CSMD1: variants seen among roughly 807,000 people sequenced by gnomAD.
The protein encoded by CSMD1 is CUB and sushi domain-containing protein 1.
CSMD1 carries 213 observed loss-of-function variants against 417.5 expected under a neutral mutation model. The ratio of observed to expected loss-of-function variants is 0.51; its 90% CI spans 0.46 to 0.57. The LOEUF (loss-of-function observed/expected upper bound fraction) is 0.57. Among genes scored for constraint, CSMD1 ranks in the 20% least tolerant of loss-of-function variants. The pLI is 0.00. For synonymous variants in CSMD1, 2,862 were observed against 1,736.8 expected (o/e 1.65, Z -16.11); for missense variants, 6,923 against 4,529.7 (o/e 1.53, Z -15.17).
At chr8:3,625,717 C>A (rs371673337) in intron 7 of CSMD1, among the ~76,000 whole-genome samples, 13 of 152,174 alleles carry the variant, frequency 8.5e-5, no homozygotes, top group East Asian at 5.8e-4. Context: ...TTCAGTCATT[C>A]AACATTATTC....
intron 2 of CSMD1, among the ~76,000 whole-genome samples, chr8:4,449,251 T>A (rs1167608376): frequency 6.6e-6 from 1 of 152,182 alleles, no homozygotes; most frequent in Non-Finnish European, 1.5e-5. Flanking sequence ...TTATTCACAC[T>A]CAGGTTGTAA....
At chr8:4,774,022 C>T (rs893915571) in intron 1 of CSMD1, among the ~76,000 whole-genome samples, 37 of 151,984 alleles carry the variant, frequency 2.4e-4, no homozygotes, top group African/African-American at 8.7e-4. Context: ...ATGGTGAAAC[C>T]CCAACTCTAC....
chr8:4,790,735 G>C (rs1056328481), intron 1 of CSMD1, among the ~76,000 whole-genome samples: 1 of 152,120 alleles, frequency 6.6e-6, no homozygotes, highest in Admixed American at 6.5e-5. Flanking sequence ...ACCAGGAAAG[G>C]ACTCCCCTAT....
chr8:4,059,877 G>T (rs1356227328), intron 3 of CSMD1, among the ~76,000 whole-genome samples: 1 of 150,570 alleles, frequency 6.6e-6, no homozygotes, highest in Non-Finnish European at 1.5e-5. Flanking sequence ...AGGAGGAACT[G>T]GTACCATTCC....
chr8:4,233,720 A>C (rs1585068401), intron 3 of CSMD1, among the ~76,000 whole-genome samples: 1 of 152,318 alleles, frequency 6.6e-6, no homozygotes, highest in East Asian at 1.9e-4. Flanking sequence ...CCAACAGACT[A>C]AGATATTAAT....
chr8:4,646,724 G>C (rs1168880181), intron 1 of CSMD1, among the ~76,000 whole-genome samples: 1 of 152,148 alleles, frequency 6.6e-6, no homozygotes, highest in East Asian at 1.9e-4. Context: ...CCTCCAAAGA[G>C]AAATTGAAAT....
At chr8:4,119,599 G>GA (rs1802364319) in intron 3 of CSMD1, among the ~76,000 whole-genome samples, 2 of 151,474 alleles carry the variant, frequency 1.3e-5, no homozygotes, top group Admixed American at 6.6e-5. Flanking sequence ...TCTATCTAGG[G>GA]AGGAGACCAG....
chr8:3,986,175 C>T (rs1255396772), intron 5 of CSMD1, among the ~76,000 whole-genome samples: 1 of 152,108 alleles, frequency 6.6e-6, no homozygotes, highest in Non-Finnish European at 1.5e-5. Flanking sequence ...CCAAAGAGCC[C>T]TTTTATTTTA....
chr8:4,675,247 A>G (rs976568358), intron 1 of CSMD1, among the ~76,000 whole-genome samples: 1 of 152,222 alleles, frequency 6.6e-6, no homozygotes, highest in Non-Finnish European at 1.5e-5. Flanking sequence ...CAGTATTTAA[A>G]ACACTTAAAA....
At chr8:4,952,362 T>G (rs1023140301) in intron 1 of CSMD1, among the ~76,000 whole-genome samples, 1 of 134,676 alleles carries the variant, frequency 7.4e-6, no homozygotes, top group African/African-American at 2.7e-5. Context: ...GAATAATGTA[T>G]GCGTTGATTC....
intron 6 of CSMD1, among the ~76,000 whole-genome samples, chr8:3,715,912 A>G (rs1265715582): frequency 6.6e-6 from 1 of 152,208 alleles, no homozygotes; most frequent in Non-Finnish European, 1.5e-5. Context: ...ATTCCTCTGC[A>G]GCTGCTGCAG....
At chr8:4,964,094 T>C (rs1809690575) in intron 1 of CSMD1, among the ~76,000 whole-genome samples, 1 of 152,218 alleles carries the variant, frequency 6.6e-6, no homozygotes. Flanking sequence ...TATTTTATTT[T>C]TTTTACTTTC....
At chr8:4,119,080 G>T (rs7841987) in intron 3 of CSMD1, among the ~76,000 whole-genome samples, 26 of 151,860 alleles carry the variant, frequency 1.7e-4, no homozygotes, top group African/African-American at 2.9e-4. Flanking sequence ...ATCACACACA[G>T]GGACCTGTCA....
chr8:4,439,798 G>C (rs1372593225), intron 2 of CSMD1, among the ~76,000 whole-genome samples: 1 of 152,184 alleles, frequency 6.6e-6, no homozygotes, highest in Non-Finnish European at 1.5e-5. Flanking sequence ...ACTTTGAGAA[G>C]AGATGTAAAT....
At chr8:4,238,342 T>A (rs1009431420) in intron 3 of CSMD1, among the ~76,000 whole-genome samples, 3 of 152,190 alleles carry the variant, frequency 2.0e-5, no homozygotes, top group Admixed American at 1.3e-4. Context: ...AGGGTGGTCC[T>A]CCAGCTCCCA....
chr8:3,739,181 C>A (rs1247227900), intron 6 of CSMD1, among the ~76,000 whole-genome samples: 1 of 152,068 alleles, frequency 6.6e-6, no homozygotes, highest in African/African-American at 2.4e-5. Flanking sequence ...TGATGCATGC[C>A]GGATACTGTA....
chr8:3,469,717 T>A (rs1816977426), intron 11 of CSMD1, among the ~76,000 whole-genome samples: 1 of 152,222 alleles, frequency 6.6e-6, no homozygotes, highest in South Asian at 2.1e-4. Context: ...TCATATCATC[T>A]GTCTATCAAC....
intron 3 of CSMD1, among the ~76,000 whole-genome samples, chr8:4,350,420 A>G (rs188458676): frequency 5.9e-5 from 9 of 152,336 alleles, no homozygotes; most frequent in Admixed American, 2.0e-4. Flanking sequence ...CTGATTTACT[A>G]TATCTCATCA....
chr8:3,785,163 G>A (rs940680638), intron 5 of CSMD1, among the ~76,000 whole-genome samples: 3 of 152,156 alleles, frequency 2.0e-5, no homozygotes, highest in Admixed American at 6.5e-5. Flanking sequence ...TGGCCTTAGT[G>A]CCTGTCTGCA....
Sources: gnomAD v4.1 joint callset for allele counts (sites outside exome capture counted in the v4.1 genomes callset) on GRCh38, gnomAD v4.1.1 for gene constraint, MANE v1.5 for transcripts, NCBI Gene and HGNC (gene_info 2026-07-23, HGNC 2026-07-21) for gene names.